MAD1L1: variants seen among roughly 807,000 people sequenced by gnomAD.
MAD1L1 encodes the protein mitotic arrest deficient 1 like 1, also known as mitotic spindle assembly checkpoint protein MAD1.
A neutral mutation model predicts 96.9 loss-of-function variants in MAD1L1; 95 were observed. The ratio of observed to expected loss-of-function variants is 0.98; its 90% CI spans 0.83 to 1.16. The LOEUF is 1.16. Among genes scored for constraint, MAD1L1 ranks in the 50% most tolerant of loss-of-function variants. The probability of loss-of-function intolerance (pLI) is 0.00; values close to 1 mark genes in which losing one functional copy is unlikely to be tolerated. For synonymous variants in MAD1L1, 473 were observed against 396.6 expected, an observed-to-expected ratio of 1.19 and a Z score of -2.29; for missense variants, 1,007 against 954.4, an observed-to-expected ratio of 1.06 and a Z score of -0.73.
At position 2,162,802 on chromosome 7, in the gene MAD1L1, A is replaced by G. The variant is rs556269266; in HGVS notation, c.987-13564T>C. On this transcript the variant is annotated intron_variant, in intron 10 of 18. Transcript: ENST00000265854. ...TCTCAAACATTTCAACTTAAAACAG[A>G]AAAACACACAATTATCTTTCAAGCT... 2.9e-5 allele frequency among the ~76,000 whole-genome samples: 4 copies of G among 139,590 alleles called. No homozygotes were observed. The East Asian group carries it at 6.1e-4, about 21-fold the overall frequency. The allele number at this position is 139,590 out of a possible 152,430, so 91.6% of individuals were successfully genotyped here.
intron 3 of MAD1L1, among the ~76,000 whole-genome samples, chr7:2,227,162 G>T (rs1380402599): frequency 6.6e-6 from 1 of 151,786 alleles, no homozygotes; most frequent in Non-Finnish European, 1.5e-5. Flanking sequence ...GAGTGTGGTG[G>T]TAACGCACCT....
intron 10 of MAD1L1, among the ~76,000 whole-genome samples, chr7:2,193,691 G>T (rs1231599147): frequency 1.4e-4 from 21 of 152,220 alleles, no homozygotes. Context: ...GGTAACTCCA[G>T]ATTCCTCCGG....
chr7:1,867,870 G>A (rs1207971820), intron 18 of MAD1L1, among the ~76,000 whole-genome samples: 1 of 152,238 alleles, frequency 6.6e-6, no homozygotes, highest in Non-Finnish European at 1.5e-5. Context: ...AAATGGCGAT[G>A]CATCGGAGGC....
At chr7:2,032,780 G>A (rs778318426) in intron 12 of MAD1L1, among the ~76,000 whole-genome samples, 14 of 152,200 alleles carry the variant, frequency 9.2e-5, no homozygotes, top group South Asian at 6.2e-4. Flanking sequence ...GGGGGGTGGC[G>A]CCGGCCTGCT....
chr7:2,223,112 T>C (rs113721057), intron 4 of MAD1L1, among the ~76,000 whole-genome samples: 23 of 152,304 alleles, frequency 1.5e-4, no homozygotes, highest in African/African-American at 5.5e-4. Context: ...TGAGCTTTCA[T>C]AGCACCAGCA....
chr7:2,144,027 G>A (rs1789171689), intron 11 of MAD1L1, among the ~76,000 whole-genome samples: 1 of 152,250 alleles, frequency 6.6e-6, no homozygotes, highest in African/African-American at 2.4e-5. Flanking sequence ...AGGCAGAGAA[G>A]CAAGGCCAAA....
intron 18 of MAD1L1, among the ~76,000 whole-genome samples, chr7:1,893,708 CCCCAGGGAGCA>C (rs1416117902): frequency 6.6e-6 from 1 of 152,162 alleles, no homozygotes; most frequent in Non-Finnish European, 1.5e-5. Flanking sequence ...GGGTCAGGGC[CCCCAGGGAGCA>C]CCCAGACCAC....
Position 2,096,930 on chromosome 7 carries a change from C to T in MAD1L1, c.1074-27592G>A, listed in dbSNP as rs540077319. 3.9e-5 allele frequency among the ~76,000 whole-genome samples: 6 copies of T among 152,280 alleles called. No homozygotes were observed. In the East Asian group the frequency reaches 9.7e-4, roughly 25 times the overall value. On this transcript the variant is annotated intron_variant, in intron 11 of 18. Transcript: ENST00000265854. The stretch of plus-strand genomic sequence containing the variant: ...GGTCTGCCACTGTACCTCCAGGCTG[C>T]CACCCACAGGCGGGCACCCTCCAGG...
intron 17 of MAD1L1, among the ~76,000 whole-genome samples, chr7:1,912,554 C>T (rs367577438): frequency 6.6e-5 from 10 of 152,296 alleles, no homozygotes; most frequent in African/African-American, 1.7e-4. Flanking sequence ...CGGTCCCTGC[C>T]GCCGATGCAT....
Position 2,219,410 on chromosome 7 carries a change from A to T in MAD1L1, c.518T>A (p.Val173Glu). 13 of 1,612,860 alleles carry T rather than the reference A, an allele frequency of 8.1e-6. No homozygotes were observed. The highest frequency in any genetic ancestry group is 1.1e-5 in the Non-Finnish European group (13 of 1,179,612). The change falls in exon 6 of 19, where the codon GTG becomes GAG. Residue 173 changes from valine to glutamate, a missense_variant. Physicochemically the swap from Val to Glu is moderately radical, Grantham distance 121 (BLOSUM62 -2). Coordinates refer to ENST00000265854, the MANE Select transcript of MAD1L1 (RefSeq NM_001013836.2). The stretch of plus-strand genomic sequence containing the variant: ...CTTCACCCGCATCTCCTGGTCCATC[A>T]CGCTCCACTGCAGTTCCGAGATCCT... ...KGRISELQWS[V>E]MDQEMRVKRL... is the part of the protein sequence containing the mutation.
intron 18 of MAD1L1, among the ~76,000 whole-genome samples, chr7:1,864,937 G>C (rs1023850889): frequency 6.6e-6 from 1 of 152,158 alleles, no homozygotes; most frequent in Non-Finnish European, 1.5e-5. Flanking sequence ...ATCCTGTGTC[G>C]AATAAGCCTC....
chr7:2,131,147 G>T (rs1277820974), intron 11 of MAD1L1, among the ~76,000 whole-genome samples: 1 of 152,212 alleles, frequency 6.6e-6, no homozygotes, highest in African/African-American at 2.4e-5. Flanking sequence ...TCAAGAGATG[G>T]ATGAGCAGCG....
At chr7:2,105,773 C>G (rs1467678400) in intron 11 of MAD1L1, among the ~76,000 whole-genome samples, 1 of 152,110 alleles carries the variant, frequency 6.6e-6, no homozygotes, top group Non-Finnish European at 1.5e-5. Flanking sequence ...CGTGAGACGC[C>G]CAGCCAAAAC....
chr7:2,067,198 G>A (rs989806205), intron 12 of MAD1L1, among the ~76,000 whole-genome samples: 4 of 132,172 alleles, frequency 3.0e-5, no homozygotes, highest in African/African-American at 1.5e-4. Flanking sequence ...CACGTTCGCA[G>A]GCACCCGGGG....
At chr7:2,023,380 A>T (rs1409343050) in intron 12 of MAD1L1, among the ~76,000 whole-genome samples, 1 of 152,262 alleles carries the variant, frequency 6.6e-6, no homozygotes, top group Admixed American at 6.5e-5. Flanking sequence ...TAACAGAAAG[A>T]TAACTGAAAA....
intron 10 of MAD1L1, among the ~76,000 whole-genome samples, chr7:2,168,587 A>G (rs1396831807): frequency 2.6e-5 from 4 of 152,254 alleles, no homozygotes; most frequent in African/African-American, 2.4e-5. Flanking sequence ...GGAAGGGACC[A>G]GGAGACCTCA....
chr7:2,051,579 C>T (rs60530384), intron 12 of MAD1L1, among the ~76,000 whole-genome samples: 6,936 of 151,916 alleles, frequency 0.046, 263 homozygotes, highest in African/African-American at 0.096. Flanking sequence ...ACATTGAAAC[C>T]GCACATGAAG....
chr7:1,842,900 G>T (rs1214964975), intron 18 of MAD1L1, among the ~76,000 whole-genome samples: 2 of 152,266 alleles, frequency 1.3e-5, no homozygotes, highest in Admixed American at 6.5e-5. Flanking sequence ...TCCCGGATGG[G>T]GAGGGTACAC....
chr7:2,153,972 A>C (rs1789703364), intron 10 of MAD1L1, among the ~76,000 whole-genome samples: 1 of 152,220 alleles, frequency 6.6e-6, no homozygotes, highest in South Asian at 2.1e-4. Flanking sequence ...CCCGGCCAAC[A>C]TGGTGAAACT....
Sources: gnomAD v4.1 joint callset for allele counts (sites outside exome capture counted in the v4.1 genomes callset) on GRCh38, gnomAD v4.1.1 for gene constraint, MANE v1.5 for transcripts, NCBI Gene and HGNC (gene_info 2026-07-23, HGNC 2026-07-21) for gene names.